The following PCDHGB2 variants were observed in gnomAD, a reference collection of about 807,000 sequenced individuals.
PCDHGB2 encodes the protein protocadherin gamma-B2.
Under a neutral mutation model 59.3 loss-of-function variants are expected in PCDHGB2, and 55 were observed. The observed-to-expected ratio is 0.93, with a 90% CI of 0.75 to 1.16. The LOEUF (loss-of-function observed/expected upper bound fraction) is 1.16. Ranked by LOEUF, PCDHGB2 falls within the 50% of genes most tolerant of loss-of-function variation. PCDHGB2 has a pLI of 0.00. For synonymous variants in PCDHGB2, 516 were observed against 512.0 expected, an observed-to-expected ratio of 1.01 and a Z score of -0.11; for missense variants, 1,228 against 1,198.5, an observed-to-expected ratio of 1.02 and a Z score of -0.36.
At chr5:141,478,487 A>G (rs1593917832) in intron 1 of PCDHGB2, 1 of 1,613,454 alleles carries the variant, frequency 6.2e-7, no homozygotes, top group South Asian at 1.1e-5. Flanking sequence ...CACGCTGCGG[A>G]GCTGTGATCC....
At chr5:141,510,658 A>G (rs1162885805) in intron 3 of PCDHGB2, among the ~76,000 whole-genome samples, 1 of 152,178 alleles carries the variant, frequency 6.6e-6, no homozygotes, top group African/African-American at 2.4e-5. Context: ...CATTTTGCAG[A>G]TGAGAAAACT....
chr5:141,399,776 A>T, intron 1 of PCDHGB2: 1 of 1,613,218 alleles, frequency 6.2e-7, no homozygotes, highest in African/African-American at 1.3e-5. Context: ...TTGGTGGGCG[A>T]CCGAAACGAC....
intron 1 of PCDHGB2, chr5:141,390,929 T>C (rs1296144036): frequency 1.3e-5 from 2 of 152,314 alleles, no homozygotes; most frequent in African/African-American, 4.8e-5. Context: ...ACTATGCTCA[T>C]TAGAAGATCA....
chr5:141,494,745 G>C, intron 1 of PCDHGB2, 62 bp from the exon 2 acceptor site: 1 of 1,612,802 alleles, frequency 6.2e-7, no homozygotes, highest in Middle Eastern at 1.7e-4. Flanking sequence ...ATCCCTAGGG[G>C]CTCGGGTGAC....
At chr5:141,499,271 T>C (rs2099790752) in intron 2 of PCDHGB2, among the ~76,000 whole-genome samples, 1 of 152,180 alleles carries the variant, frequency 6.6e-6, no homozygotes, top group South Asian at 2.1e-4. Context: ...GTCCCTAGAC[T>C]GTTCTCTGAT....
At position 141,431,213 on chromosome 5, in the gene PCDHGB2, T is replaced by A; in HGVS notation, c.2422-63594T>A. 6.2e-7 allele frequency: 1 copy of A among 1,614,142 alleles called. No individual in the cohort carries two copies. The highest frequency in any genetic ancestry group is 8.5e-7 in the Non-Finnish European group (1 of 1,180,038). On this transcript the variant is annotated intron_variant, in intron 1 of 3. Coordinates refer to ENST00000522605, the MANE Select transcript of PCDHGB2 (RefSeq NM_018923.3). The surrounding 1 kb of genome is among the most constrained non-coding windows in gnomAD (Gnocchi z 4.8). ...TGAAAATGCAGCCACTGAGATGCGG[T>A]TCCCTCTACCCCACGCCTGGGATCC...
At chr5:141,474,087 A>C (rs1483673747) in intron 1 of PCDHGB2, among the ~76,000 whole-genome samples, 4 of 152,198 alleles carry the variant, frequency 2.6e-5, no homozygotes, top group South Asian at 2.1e-4. Context: ...AAAACCAAAA[A>C]ACAAACAACA....
At position 141,405,389 on chromosome 5, in the gene PCDHGB2, T is replaced by C. The variant is rs577174600; in HGVS notation, c.2421+42833T>C. ...CCCTTTGGTTCCGGTGAGTTCATTT[T>C]TTTTCTTTCTTTCTTTTCTTTTTTT... On this transcript the variant is annotated intron_variant, in intron 1 of 3. Transcript: ENST00000522605. The C allele has an allele frequency of 2.5e-6, 4 of 1,600,534 alleles. No individual in the cohort carries two copies. The East Asian group carries it at 6.7e-5, about 27-fold the overall frequency.
intron 2 of PCDHGB2, among the ~76,000 whole-genome samples, chr5:141,496,639 C>A (rs752903356): frequency 6.6e-6 from 1 of 152,222 alleles, no homozygotes; most frequent in Non-Finnish European, 1.5e-5. Flanking sequence ...TTGGGCTGCC[C>A]TTGCCCTTCC....
At chr5:141,374,627 G>T (rs955993144) in intron 1 of PCDHGB2, 5 of 1,613,182 alleles carry the variant, frequency 3.1e-6, no homozygotes, top group Admixed American at 1.7e-5. Flanking sequence ...CTCAGTGGAC[G>T]TGCAAAGCGA....
chr5:141,469,821 G>GTCAC (rs2099212195), intron 1 of PCDHGB2, among the ~76,000 whole-genome samples: 1 of 152,028 alleles, frequency 6.6e-6, no homozygotes, highest in African/African-American at 2.4e-5. Flanking sequence ...TAGAATGGAG[G>GTCAC]TCACATAAAA....
In PCDHGB2 at chr5:141,361,586, G is replaced by A; in HGVS notation, c.1451G>A (p.Ser484Asn). The change falls in exon 1 of 4, where the codon AGT (serine) becomes AAT (asparagine). Residue 484 changes from serine (S) to asparagine (N), a missense_variant. This residue lies in a region of PCDHGB2 where 781 missense variants were observed against 721.6 expected (regional missense o/e 1.08). Transcript: ENST00000522605. ...GCCTCTGACCCTGACTTGGGCCCCAGTGGCCAAGTTTCCTACTCCATCGTA... is the reference window on the plus strand; with the variant it reads ...GCCTCTGACCCTGACTTGGGCCCCAATGGCCAAGTTTCCTACTCCATCGTA... ...ISASDPDLGP[S>N]GQVSYSIVAS... is the part of the protein sequence containing the mutation. 3.7e-6 allele frequency: 6 copies of A among 1,614,058 alleles called. No homozygotes were observed. The highest frequency in any genetic ancestry group is 5.1e-6 in the Non-Finnish European group (6 of 1,179,904).
rs1561522819 is a variant in PCDHGB2 at position 141,361,170 on chromosome 5, T to C, written c.1035T>C (p.Pro345=). ...TTCTTGATGACAACGATTGTGCACC[T>C]GAAGTTATTGTGACTTCAGTATCTA... The part of the protein sequence containing the change: ...VEILDDNDCA[P]EVIVTSVSTP... The change falls in exon 1 of 4, where the codon CCT becomes CCC. Residue 345 remains proline (P), a synonymous_variant. Coordinates refer to ENST00000522605, the MANE Select transcript of PCDHGB2 (RefSeq NM_018923.3). The C allele has an allele frequency of 6.2e-7, 1 of 1,613,976 alleles. No individual in the cohort carries two copies. The highest frequency in any genetic ancestry group is 8.5e-7 in the Non-Finnish European group (1 of 1,179,894).
At chr5:141,371,058 A>C in intron 1 of PCDHGB2, 9 of 1,613,990 alleles carry the variant, frequency 5.6e-6, no homozygotes, top group Non-Finnish European at 7.6e-6. Flanking sequence ...CGAGCCCTCC[A>C]GAAGCTGTAC....
chr5:141,507,101 T>C (rs1341285140), intron 3 of PCDHGB2: 2 of 152,204 alleles, frequency 1.3e-5, no homozygotes, highest in African/African-American at 2.4e-5. Flanking sequence ...CTTTCTACTA[T>C]AGGGACCATG....
At chr5:141,393,768 A>G in intron 1 of PCDHGB2, 1 of 1,613,968 alleles carries the variant, frequency 6.2e-7, no homozygotes, top group East Asian at 2.2e-5. Flanking sequence ...TGAAATGGAA[A>G]TACAAGCCGA....
rs1468210173 is a variant in PCDHGB2 at position 141,512,170 on chromosome 5, A to T, written c.*997A>T. 1 of 152,720 alleles carries T rather than the reference A, an allele frequency of 6.5e-6. No homozygotes were observed. The highest frequency in any genetic ancestry group is 1.5e-5 in the Non-Finnish European group (1 of 68,120). The allele number at this position is 152,720 out of a possible 1,614,324, so 9.5% of individuals were successfully genotyped here. On this transcript the variant is annotated 3_prime_UTR_variant, in exon 4 of 4. Coordinates refer to ENST00000522605, the MANE Select transcript of PCDHGB2 (RefSeq NM_018923.3). ...TGGGCTGAGCTAACAGGACCAATGG[A>T]TTAAACTGGCATTTCAGTCCAAGGA...
At chr5:141,419,433 T>A (rs1333004780) in intron 1 of PCDHGB2, 6 of 1,613,246 alleles carry the variant, frequency 3.7e-6, no homozygotes, top group Non-Finnish European at 5.1e-6. Flanking sequence ...CACGAGCAGC[T>A]GCGCACCTTC....
chr5:141,431,194 T>C lies in PCDHGB2; in HGVS notation c.2422-63613T>C. On this transcript the variant is annotated intron_variant, in intron 1 of 3. Coordinates refer to ENST00000522605, the MANE Select transcript of PCDHGB2 (RefSeq NM_018923.3). The surrounding 1 kb of genome is among the most constrained non-coding windows in gnomAD (Gnocchi z 4.8). ...AATTAGAAATAAAAATTAGTGAAAA[T>C]GCAGCCACTGAGATGCGGTTCCCTC... The C allele has an allele frequency of 6.2e-7, 1 of 1,614,124 alleles. No homozygotes were observed.
Sources: gnomAD v4.1 joint callset for allele counts (sites outside exome capture counted in the v4.1 genomes callset) on GRCh38, gnomAD v4.1.1 for gene constraint, gnomAD v4.1.1 regional missense constraint, Gnocchi (gnomAD v3.1) non-coding constraint, MANE v1.5 for transcripts, NCBI Gene and HGNC (gene_info 2026-07-23, HGNC 2026-07-21) for gene names.